The following ADGRA3 variants were observed in gnomAD, a reference collection of about 807,000 sequenced individuals.
ADGRA3 encodes adhesion G protein-coupled receptor A3.
In ADGRA3, 56 loss-of-function variants were observed where a neutral mutation model predicts 119.8. The observed-to-expected ratio is 0.47, with a 90% CI of 0.38 to 0.58. The LOEUF is 0.58. Among genes scored for constraint, ADGRA3 ranks in the 20% least tolerant of loss-of-function variants. The probability of loss-of-function intolerance (pLI) is 0.00; values close to 1 mark genes in which losing one functional copy is unlikely to be tolerated. For synonymous variants in ADGRA3, 607 were observed against 623.8 expected (o/e 0.97, Z 0.40); for missense variants, 1,516 against 1,649.0 (o/e 0.92, Z 1.40).
intron 1 of ADGRA3, among the ~76,000 whole-genome samples, chr4:22,512,186 C>A (rs983930867): frequency 6.6e-6 from 1 of 152,074 alleles, no homozygotes; most frequent in Admixed American, 6.6e-5. Flanking sequence ...CAGGTGTGAG[C>A]CACTGCGCCC....
intron 14 of ADGRA3, among the ~76,000 whole-genome samples, chr4:22,405,765 TA>T (rs375067838): frequency 3.9e-5 from 6 of 152,138 alleles, no homozygotes; most frequent in African/African-American, 1.4e-4. Flanking sequence ...TAATTGTATA[TA>T]TTTATGGCAT....
At position 22,412,345 on chromosome 4, in the gene ADGRA3, A is replaced by G. The variant is rs141793309; in HGVS notation, c.2232+837T>C. 9.2e-3 allele frequency among the ~76,000 whole-genome samples: 1,401 copies of G among 152,232 alleles called. 45 individuals are homozygous for G. The highest frequency in any genetic ancestry group is 0.059 in the South Asian group (285 of 4,826). ...GCTCAGACGTCAGATTCACTTAAAG[A>G]CCTCATTAATAAAAACACTTGCTCC... On this transcript the variant is annotated intron_variant, in intron 14 of 18. Transcript: ENST00000334304.
At chr4:22,515,273 G>C (rs1456807869) in intron 1 of ADGRA3, 2 of 321,226 alleles carry the variant, frequency 6.2e-6, no homozygotes, top group African/African-American at 2.2e-5. Flanking sequence ...GCCGGGGACA[G>C]CGCGGGGAGC....
chr4:22,473,671 T>A (rs1038203127), intron 2 of ADGRA3, 101 bp downstream of exon 2: 1 of 670,530 alleles, frequency 1.5e-6, no homozygotes, highest in African/African-American at 1.9e-5. Context: ...TCAATTTTTA[T>A]TTTGAATAGC....
chr4:22,512,863 C>A (rs907397005), intron 1 of ADGRA3, among the ~76,000 whole-genome samples: 2 of 152,060 alleles, frequency 1.3e-5, no homozygotes, highest in African/African-American at 4.8e-5. Context: ...CACTAACACA[C>A]AGTCCAAACT....
At chr4:22,482,835 T>G (rs1229386085) in intron 1 of ADGRA3, among the ~76,000 whole-genome samples, 2 of 152,254 alleles carry the variant, frequency 1.3e-5, no homozygotes, top group Non-Finnish European at 2.9e-5. Context: ...TGCAGCCACA[T>G]GCTCCTACTC....
intron 1 of ADGRA3, among the ~76,000 whole-genome samples, chr4:22,484,129 G>A (rs902556755): frequency 6.6e-6 from 1 of 151,888 alleles, no homozygotes; most frequent in African/African-American, 2.4e-5. Context: ...TACAATGCAC[G>A]CAATATACCC....
chr4:22,442,276 G>GT (rs1716644399), intron 7 of ADGRA3, among the ~76,000 whole-genome samples: 1 of 151,922 alleles, frequency 6.6e-6, no homozygotes, highest in South Asian at 2.1e-4. Context: ...TTAAAATATT[G>GT]TATCAGTCAA....
intron 1 of ADGRA3, among the ~76,000 whole-genome samples, chr4:22,486,119 C>A (rs1177175811): frequency 6.6e-6 from 1 of 152,174 alleles, no homozygotes; most frequent in Non-Finnish European, 1.5e-5. Flanking sequence ...TTTATTTATT[C>A]CACAACGTCC....
Position 22,436,566 on chromosome 4 carries a change from G to C in ADGRA3, c.1161C>G (p.Pro387=). The C allele has an allele frequency of 1.9e-6, 3 of 1,613,930 alleles. No individual in the cohort carries two copies. Among genetic ancestry groups the C allele is most frequent in the Non-Finnish European group, 2.5e-6 (3 of 1,179,946 alleles). Residue 387 remains proline (P), a synonymous_variant, in exon 9 of 19, where the codon CCC becomes CCG. Transcript: ENST00000334304. Reference sequence around the variant, plus strand: ...CTTTTCTCTCATCCTGTGGGTTTCCGGGATATATCCCACTGCCATGGGTGT... The same window carrying C: ...CTTTTCTCTCATCCTGTGGGTTTCCCGGATATATCCCACTGCCATGGGTGT... ...TRNTHGSGIY[P]GNPQDERKAW... is the part of the protein sequence containing the mutation.
At chr4:22,404,695 G>A (rs138969908) in intron 14 of ADGRA3, among the ~76,000 whole-genome samples, 125 of 152,278 alleles carry the variant, frequency 8.2e-4, no homozygotes, top group African/African-American at 2.7e-3. Flanking sequence ...AGAGAAAAGC[G>A]TGTCAGGACC....
intron 1 of ADGRA3, among the ~76,000 whole-genome samples, chr4:22,474,388 C>A (rs1420536946): frequency 6.6e-6 from 1 of 152,134 alleles, no homozygotes; most frequent in Non-Finnish European, 1.5e-5. Context: ...ACACAGGCAG[C>A]TGAATCATAA....
At position 22,402,884 on chromosome 4, in the gene ADGRA3, C is replaced by T. The variant is rs186436517; in HGVS notation, c.2233-85G>A. On this transcript the variant is annotated intron_variant, in intron 14 of 18. Coordinates refer to ENST00000334304, the MANE Select transcript of ADGRA3 (RefSeq NM_145290.4). Reference sequence around the variant, plus strand: ...ATTTTTTTGAGTGACGAAAACACATCAATAAACAAAAACTCTGGCCCTTAT... The same window carrying T: ...ATTTTTTTGAGTGACGAAAACACATTAATAAACAAAAACTCTGGCCCTTAT... The T allele has an allele frequency of 1.2e-3, 1,556 of 1,316,926 alleles. 8 individuals are homozygous for T. The highest frequency in any genetic ancestry group is 1.3e-3 in the Admixed American group (56 of 42,836). 81.6% of individuals were successfully genotyped at this position (1,316,926 alleles called of 1,614,324 possible).
intron 1 of ADGRA3, among the ~76,000 whole-genome samples, chr4:22,499,174 A>G (rs533630173): frequency 1.3e-5 from 2 of 152,346 alleles, no homozygotes; most frequent in East Asian, 3.9e-4. Context: ...ATAATGGTAC[A>G]ATCAGCCAAT....
At chr4:22,438,907 T>C (rs1364575142) in intron 7 of ADGRA3, among the ~76,000 whole-genome samples, 6 of 152,000 alleles carry the variant, frequency 3.9e-5, no homozygotes, top group Non-Finnish European at 1.5e-5. Context: ...TGAGTGAGGC[T>C]GGAGGATGGC....
chr4:22,512,642 T>C (rs139580759), intron 1 of ADGRA3, among the ~76,000 whole-genome samples: 3 of 152,174 alleles, frequency 2.0e-5, no homozygotes, highest in African/African-American at 7.2e-5. Context: ...AGAAGGCCAA[T>C]GGAAGGCAGA....
At chr4:22,401,352 A>C (rs1560297627) in intron 16 of ADGRA3, 79 bp downstream of exon 16, 1 of 1,306,118 alleles carries the variant, frequency 7.7e-7, no homozygotes, top group African/African-American at 1.5e-5. Context: ...TTAAAGAATG[A>C]TTTTTTCTTT....
chr4:22,483,461 T>G (rs1382715159), intron 1 of ADGRA3, among the ~76,000 whole-genome samples: 1 of 152,254 alleles, frequency 6.6e-6, no homozygotes, highest in Admixed American at 6.5e-5. Flanking sequence ...TTATTCCTGC[T>G]TAAGTCTTAT....
At chr4:22,403,468 T>C (rs1223394223) in intron 14 of ADGRA3, among the ~76,000 whole-genome samples, 1 of 152,022 alleles carries the variant, frequency 6.6e-6, no homozygotes, top group Non-Finnish European at 1.5e-5. Context: ...CTGAGCACAG[T>C]GGCTCGCACC....
Sources: allele counts gnomAD v4.1 joint callset (sites outside exome capture counted in the v4.1 genomes callset), GRCh38; gene constraint gnomAD v4.1.1; transcripts MANE v1.5; gene names NCBI Gene and HGNC (gene_info 2026-07-23, HGNC 2026-07-21).